The following HK2 variants were observed in gnomAD, a reference collection of about 807,000 sequenced individuals.
HK2 encodes the protein hexokinase-2.
In HK2, 42 loss-of-function variants were observed where a neutral mutation model predicts 92.9. The ratio of observed to expected loss-of-function variants is 0.45; its 90% CI spans 0.35 to 0.58. HK2 has a LOEUF of 0.58. Ranked by LOEUF, HK2 falls within the 20% of genes least tolerant of loss-of-function variation. HK2 has a pLI of 0.00. For synonymous variants in HK2, 422 were observed against 468.0 expected (o/e 0.90, Z 1.27); for missense variants, 978 against 1,245.1 (o/e 0.79, Z 3.23).
At position 74,886,372 on chromosome 2, in the gene HK2, T is replaced by A. The variant is rs1049354156; in HGVS notation, c.2014T>A (p.Cys672Ser). ...GACCTGTGGCTTTGAAGACCCTCAC[T>A]GTGAAGTTGGCCTCATTGTTGGTAA... ...MMTCGFEDPH[C>S]EVGLIVGTGS... Residue 672 changes from cysteine to serine, a missense_variant, in exon 14 of 18, where the codon TGT becomes AGT. This residue lies in a region of HK2 where 742 missense variants were observed against 922.5 expected (regional missense o/e 0.80). Transcript: ENST00000290573. 2 of 1,614,020 alleles carry A rather than the reference T, an allele frequency of 1.2e-6. No individual in the cohort carries two copies. Among genetic ancestry groups the A allele is most frequent in the African/African-American group, 2.7e-5 (2 of 74,908 alleles).
intron 7 of HK2, 75 bp downstream of exon 7, chr2:74,874,524 G>A (rs375529483): frequency 1.4e-6 from 2 of 1,427,960 alleles, no homozygotes; most frequent in South Asian, 1.3e-5. Context: ...GGGGCCAGGG[G>A]GTTGTTTCTT....
At chr2:74,865,627 A>G (rs1227023861) in intron 2 of HK2, among the ~76,000 whole-genome samples, 1 of 152,074 alleles carries the variant, frequency 6.6e-6, no homozygotes, top group Admixed American at 6.5e-5. Context: ...ACCCCAGATG[A>G]GGGCGATGTT....
Position 74,837,684 on chromosome 2 carries a change from T to C in HK2, c.63+3041T>C, listed in dbSNP as rs537324340. Reference sequence around the variant, plus strand: ...CTTTTGCCCTTGTCTTTTTTTTTTTTTTTTTTTTTTGAGACACAGTTTCAC... The same window carrying C: ...CTTTTGCCCTTGTCTTTTTTTTTTTCTTTTTTTTTTGAGACACAGTTTCAC... On this transcript the variant is annotated intron_variant, in intron 1 of 17. Coordinates refer to ENST00000290573, the MANE Select transcript of HK2 (RefSeq NM_000189.5). Among the ~76,000 whole-genome samples the C allele has an allele frequency of 1.1e-4, 17 of 148,750 alleles. No homozygotes were observed. In the East Asian group the frequency reaches 3.3e-3, roughly 29 times the overall value.
chr2:74,839,402 T>C (rs1688250763), intron 1 of HK2, among the ~76,000 whole-genome samples: 1 of 152,170 alleles, frequency 6.6e-6, no homozygotes, highest in South Asian at 2.1e-4. Flanking sequence ...ATTATTTTTG[T>C]CTATGTTAAT....
At chr2:74,868,735 A>G (rs529187195) in intron 3 of HK2, among the ~76,000 whole-genome samples, 8 of 152,350 alleles carry the variant, frequency 5.3e-5, no homozygotes, top group African/African-American at 1.7e-4. Flanking sequence ...AATGTTTAAG[A>G]ACCAAGTAAA....
At chr2:74,873,591 G>C (rs1558799727) in intron 5 of HK2, among the ~76,000 whole-genome samples, 1 of 152,164 alleles carries the variant, frequency 6.6e-6, no homozygotes, top group Non-Finnish European at 1.5e-5. Flanking sequence ...CACAAGAAAA[G>C]CTCTTTAGTT....
Position 74,873,915 on chromosome 2 carries a change from C to T in HK2, c.663C>T (p.Asp221=), listed in dbSNP as rs1374441196. 1 of 1,613,678 alleles carries T rather than the reference C, an allele frequency of 6.2e-7. No individual in the cohort carries two copies. Among genetic ancestry groups the T allele is most frequent in the Non-Finnish European group, 8.5e-7 (1 of 1,179,634 alleles). The change falls in exon 6 of 18, where the codon GAC becomes GAT. Residue 221 remains aspartate, a synonymous_variant. Transcript: ENST00000290573. The stretch of plus-strand genomic sequence containing the variant: ...CCATGATGACCTGTGGTTATGATGA[C>T]CACAACTGTGAGATTGGTCTCATTG... The part of the protein sequence containing the change: ...VGTMMTCGYD[D]HNCEIGLIVG...
chr2:74,868,808 GACTTGTA>G lies in HK2; in HGVS notation c.375+1027_375+1033del, dbSNP rs1472443691. ...AAAGTTTGGCTGTGATTATGTAAAA[GACTTGTA>G]ACGTGATGGTGACTTGTTAGGTGGA... On this transcript the variant is annotated intron_variant, in intron 3 of 17. Coordinates refer to ENST00000290573, the MANE Select transcript of HK2 (RefSeq NM_000189.5). Among the ~76,000 whole-genome samples, 17 of 152,220 alleles carry G rather than the reference GACTTGTA, an allele frequency of 1.1e-4. No homozygotes were observed. The East Asian group carries it at 2.1e-3, about 19-fold the overall frequency.
intron 1 of HK2, among the ~76,000 whole-genome samples, chr2:74,852,034 G>T (rs1688582974): frequency 6.6e-6 from 1 of 152,194 alleles, no homozygotes; most frequent in Non-Finnish European, 1.5e-5. Context: ...GGCCCCTCGT[G>T]TCTGTGTGAC....
At position 74,878,909 on chromosome 2, in the gene HK2, A is replaced by T; in HGVS notation, c.1253A>T (p.Lys418Met). Residue 418 changes from lysine to methionine, a missense_variant, in exon 9 of 18, where the codon AAG (lysine) becomes ATG (methionine). Physicochemically the swap from Lys to Met is moderately conservative, Grantham distance 95 (BLOSUM62 -1). This residue lies in a region of HK2 where 742 missense variants were observed against 922.5 expected (regional missense o/e 0.80). Coordinates refer to ENST00000290573, the MANE Select transcript of HK2 (RefSeq NM_000189.5). ...STIGVDGSVY[K>M]KHPHFAKRLH... ...ATTGGGGTCGACGGTTCCGTCTACA[A>T]GAAACACCCCCAGTGAGTCAGTGTG... 6.4e-7 allele frequency: 1 copy of T among 1,551,312 alleles called. No homozygotes were observed. The highest frequency in any genetic ancestry group is 8.7e-7 in the Non-Finnish European group (1 of 1,146,900).
rs186961954 is a variant in HK2, at chr2:74,877,766, C to A, written c.1031+445C>A. ...TTTGAATTGGCCAGAGATATAGCTA[C>A]CCAATTAATTCTAATAAGCAGAGCT... On this transcript the variant is annotated intron_variant, in intron 8 of 17. Transcript: ENST00000290573. 9.5e-4 allele frequency among the ~76,000 whole-genome samples: 145 copies of A among 152,320 alleles called. 1 individual carries two copies. The highest frequency in any genetic ancestry group is 3.4e-3 in the African/African-American group (143 of 41,564).
intron 2 of HK2, among the ~76,000 whole-genome samples, chr2:74,856,337 A>G (rs1688695425): frequency 6.6e-6 from 1 of 152,156 alleles, no homozygotes. Flanking sequence ...GCCTGGACCC[A>G]GTGCTGAGGG....
intron 15 of HK2, among the ~76,000 whole-genome samples, chr2:74,887,446 C>T (rs941673807): frequency 1.3e-5 from 2 of 151,836 alleles, no homozygotes. Flanking sequence ...GGGGGCCCTA[C>T]AGCTGGCAGT....
intron 2 of HK2, among the ~76,000 whole-genome samples, chr2:74,864,395 G>A (rs1688900221): frequency 6.6e-6 from 1 of 152,210 alleles, no homozygotes; most frequent in Admixed American, 6.5e-5. Flanking sequence ...CTGGACACCA[G>A]AGCATGCCAC....
intron 2 of HK2, among the ~76,000 whole-genome samples, chr2:74,855,791 G>A (rs889911057): frequency 1.3e-5 from 2 of 152,322 alleles, no homozygotes; most frequent in Admixed American, 6.5e-5. Flanking sequence ...AGCTGGTAGA[G>A]CACAAGACAT....
chr2:74,876,408 G>A lies in HK2; in HGVS notation c.876-758G>A, dbSNP rs1266668996. On this transcript the variant is annotated intron_variant, in intron 7 of 17. Transcript: ENST00000290573. ...TTTGTCAAAAAGAATTATCACCAGG[G>A]CTTGGTTTCCTCTCAGTTCTAGTCA... Among the ~76,000 whole-genome samples the A allele has an allele frequency of 3.9e-5, 6 of 152,292 alleles. No homozygotes were observed. In the East Asian group the frequency reaches 5.8e-4, roughly 15 times the overall value.
intron 17 of HK2, among the ~76,000 whole-genome samples, chr2:74,889,732 T>C (rs28363059): frequency 9.2e-5 from 14 of 151,884 alleles, no homozygotes; most frequent in African/African-American, 3.4e-4. Flanking sequence ...AGTGTTGTGC[T>C]GAATCAGTCC....
chr2:74,874,665 C>G (rs1689183893), intron 7 of HK2, among the ~76,000 whole-genome samples: 1 of 152,196 alleles, frequency 6.6e-6, no homozygotes, highest in African/African-American at 2.4e-5. Flanking sequence ...AATGTGTTTC[C>G]TTCACAGGAG....
intron 1 of HK2, among the ~76,000 whole-genome samples, chr2:74,836,527 G>A (rs1002102081): frequency 6.6e-6 from 1 of 152,204 alleles, no homozygotes; most frequent in Admixed American, 6.5e-5. Context: ...ATTATTAAGC[G>A]CTGCAGTGTG....
Sources: allele counts gnomAD v4.1 joint callset (sites outside exome capture counted in the v4.1 genomes callset), GRCh38; gene constraint gnomAD v4.1.1; regional missense constraint gnomAD v4.1.1; transcripts MANE v1.5; gene names NCBI Gene and HGNC (gene_info 2026-07-23, HGNC 2026-07-21).